The following ITPR2 variants were observed in gnomAD, a reference collection of about 807,000 sequenced individuals.
ITPR2 encodes inositol 1,4,5-trisphosphate-gated calcium channel ITPR2.
ITPR2 carries 207 observed loss-of-function variants against 317.1 expected under a neutral mutation model. The observed-to-expected ratio is 0.65, with a 90% CI of 0.58 to 0.73. The LOEUF is 0.73. Ranked by LOEUF, ITPR2 falls within the 30% of genes least tolerant of loss-of-function variation. The pLI, the probability that ITPR2 is intolerant of heterozygous loss-of-function variation, is 0.00. For synonymous variants in ITPR2, 1,156 were observed against 1,149.1 expected (o/e 1.01, Z -0.12); for missense variants, 2,613 against 3,284.0 (o/e 0.80, Z 4.99).
chr12:26,360,749 T>C (rs1938799586), intron 55 of ITPR2, among the ~76,000 whole-genome samples: 1 of 152,230 alleles, frequency 6.6e-6, no homozygotes, highest in Non-Finnish European at 1.5e-5. Flanking sequence ...TGTTACTTCC[T>C]GTAAATTTCA....
intron 2 of ITPR2, among the ~76,000 whole-genome samples, chr12:26,729,708 A>G (rs963619079): frequency 6.6e-6 from 1 of 152,130 alleles, no homozygotes; most frequent in Non-Finnish European, 1.5e-5. Context: ...GGAACAGAAA[A>G]TCAAATAAGT....
intron 9 of ITPR2, among the ~76,000 whole-genome samples, chr12:26,701,208 T>C (rs1948439922): frequency 1.3e-5 from 2 of 152,174 alleles, no homozygotes; most frequent in Admixed American, 1.3e-4. Flanking sequence ...CGCAATCAAT[T>C]AAAAAACAAC....
chr12:26,363,265 T>C (rs1938896989), intron 55 of ITPR2, among the ~76,000 whole-genome samples: 1 of 152,246 alleles, frequency 6.6e-6, no homozygotes, highest in Admixed American at 6.5e-5. Flanking sequence ...TGCCTGCTGA[T>C]CTGTCACTGT....
chr12:26,524,431 C>A (rs1471672396), intron 37 of ITPR2, among the ~76,000 whole-genome samples: 1 of 151,814 alleles, frequency 6.6e-6, no homozygotes, highest in African/African-American at 2.4e-5. Flanking sequence ...TTAAGTAATG[C>A]CATTGGATTT....
chr12:26,445,833 A>G (rs1428939564), intron 45 of ITPR2, among the ~76,000 whole-genome samples: 2 of 152,192 alleles, frequency 1.3e-5, no homozygotes, highest in Non-Finnish European at 2.9e-5. Context: ...GATGGCAGCT[A>G]GACAAAAGGG....
At chr12:26,425,811 G>A (rs1941043157) in intron 49 of ITPR2, among the ~76,000 whole-genome samples, 1 of 152,156 alleles carries the variant, frequency 6.6e-6, no homozygotes, top group South Asian at 2.1e-4. Flanking sequence ...ATATCTACAT[G>A]TATATTCTTT....
At chr12:26,811,453 T>G (rs755338986) in intron 1 of ITPR2, among the ~76,000 whole-genome samples, 1 of 144,320 alleles carries the variant, frequency 6.9e-6, no homozygotes, top group African/African-American at 2.6e-5. Flanking sequence ...TACTAAAAAA[T>G]ACAAAAAATT....
intron 23 of ITPR2, among the ~76,000 whole-genome samples, chr12:26,625,867 C>T (rs1946611106): frequency 6.6e-6 from 1 of 151,902 alleles, no homozygotes; most frequent in Non-Finnish European, 1.5e-5. Context: ...TGGGAAAGGG[C>T]ATTTTTTTTT....
chr12:26,753,039 A>G lies in ITPR2; in HGVS notation c.164-27274T>C, dbSNP rs559367840. On this transcript the variant is annotated intron_variant, in intron 2 of 56. Transcript: ENST00000381340. Reference sequence around the variant, plus strand: ...GGAAATAGACTGCAGCACTGATTCAATAACTCTGGGTAAGTGGTGGTGGGG... The same window carrying G: ...GGAAATAGACTGCAGCACTGATTCAGTAACTCTGGGTAAGTGGTGGTGGGG... Among the ~76,000 whole-genome samples the G allele has an allele frequency of 1.2e-3, 186 of 152,260 alleles. 1 individual carries two copies. The highest frequency in any genetic ancestry group is 2.2e-3 in the Non-Finnish European group (152 of 68,018).
intron 9 of ITPR2, among the ~76,000 whole-genome samples, chr12:26,702,824 T>TA (rs1948474314): frequency 6.6e-6 from 1 of 152,218 alleles, no homozygotes; most frequent in East Asian, 1.9e-4. Context: ...TTAGCTTTAC[T>TA]ATCTTGCAGG....
At chr12:26,722,590 CT>C (rs1173595443) in intron 4 of ITPR2, 35 bp from the exon 5 acceptor site, 2 of 1,476,662 alleles carry the variant, frequency 1.4e-6, no homozygotes, top group Non-Finnish European at 1.9e-6. Context: ...CACCTTTATT[CT>C]TTGTTCTCCT....
At chr12:26,466,707 A>G (rs1166317690) in intron 45 of ITPR2, among the ~76,000 whole-genome samples, 1 of 152,250 alleles carries the variant, frequency 6.6e-6, no homozygotes, top group African/African-American at 2.4e-5. Flanking sequence ...ACATTTTTAT[A>G]GATGAGAAGG....
chr12:26,628,226 C>CACA, intron 22 of ITPR2, 64 bp from the exon 23 acceptor site: 1 of 1,249,884 alleles, frequency 8.0e-7, no homozygotes, highest in Non-Finnish European at 1.1e-6. Flanking sequence ...AAATGCAATT[C>CACA]ACAACACACC....
At chr12:26,451,240 G>C (rs1283291057) in intron 45 of ITPR2, among the ~76,000 whole-genome samples, 11 of 152,062 alleles carry the variant, frequency 7.2e-5, no homozygotes, top group Admixed American at 6.6e-4. Flanking sequence ...AGACAAACCT[G>C]GGGAAGAGAC....
At chr12:26,614,409 G>A (rs558148964) in intron 26 of ITPR2, among the ~76,000 whole-genome samples, 9 of 151,970 alleles carry the variant, frequency 5.9e-5, no homozygotes, top group African/African-American at 2.2e-4. Flanking sequence ...GGCTAGCAGC[G>A]CCCCCTGCCA....
intron 5 of ITPR2, among the ~76,000 whole-genome samples, chr12:26,720,823 G>A (rs997806029): frequency 2.6e-5 from 4 of 152,190 alleles, no homozygotes; most frequent in African/African-American, 9.7e-5. Context: ...ACTCTCTGTT[G>A]ACTGTGTAAA....
intron 2 of ITPR2, among the ~76,000 whole-genome samples, chr12:26,774,464 C>G (rs754343024): frequency 3.3e-5 from 5 of 152,080 alleles, no homozygotes; most frequent in Admixed American, 3.3e-4. Context: ...CATAGTGAAA[C>G]CTTGTTTTTA....
At chr12:26,471,207 T>C (rs1302270024) in intron 45 of ITPR2, among the ~76,000 whole-genome samples, 1 of 152,190 alleles carries the variant, frequency 6.6e-6, no homozygotes, top group Non-Finnish European at 1.5e-5. Flanking sequence ...AGGCATTAAA[T>C]GCAGGGTCTC....
chr12:26,341,322 A>T (rs1351186486), intron 55 of ITPR2, among the ~76,000 whole-genome samples: 1 of 152,168 alleles, frequency 6.6e-6, no homozygotes, highest in East Asian at 1.9e-4. Context: ...CCTAGCAGTG[A>T]GCATCATGCT....
Sources: gnomAD v4.1 joint callset for allele counts (sites outside exome capture counted in the v4.1 genomes callset) on GRCh38, gnomAD v4.1.1 for gene constraint, MANE v1.5 for transcripts, NCBI Gene and HGNC (gene_info 2026-07-23, HGNC 2026-07-21) for gene names.